SCARA3: variants seen among roughly 807,000 people sequenced by gnomAD.
SCARA3 encodes scavenger receptor class A member 3, also known as cellular stress response gene protein.
In SCARA3, 39 loss-of-function variants were observed where a neutral mutation model predicts 47.0. The observed-to-expected ratio is 0.83, with a 90% CI of 0.64 to 1.08. SCARA3 has a LOEUF of 1.08. Among genes scored for constraint, SCARA3 ranks in the 50% least tolerant of loss-of-function variants. The pLI, the probability that SCARA3 is intolerant of heterozygous loss-of-function variation, is 0.00. For missense variants in SCARA3, 724 were observed against 792.3 expected, an observed-to-expected ratio of 0.91 and a Z score of 1.04; for synonymous variants, 356 against 334.1, an observed-to-expected ratio of 1.07 and a Z score of -0.71.
intron 1 of SCARA3, among the ~76,000 whole-genome samples, chr8:27,648,024 T>A (rs1007607403): frequency 5.9e-5 from 9 of 152,244 alleles, no homozygotes; most frequent in Admixed American, 1.3e-4. Flanking sequence ...CTCATTCATG[T>A]ACCACCCTCT....
At chr8:27,650,173 T>A (rs1444928238) in intron 2 of SCARA3, among the ~76,000 whole-genome samples, 1 of 152,108 alleles carries the variant, frequency 6.6e-6, no homozygotes, top group Non-Finnish European at 1.5e-5. Flanking sequence ...TTTTTATTTT[T>A]TGTAGATACA....
the SCARA3 span, among the ~76,000 whole-genome samples, chr8:27,715,143 G>A: frequency 6.6e-6 from 1 of 152,026 alleles, no homozygotes; most frequent in Non-Finnish European, 1.5e-5. This position sits in a 1 kb window ranked among gnomAD's most constrained non-coding sequence, Gnocchi z 4.2. Flanking sequence ...TCAGGCTGAT[G>A]TCAAACTCCC....
At chr8:27,706,487 A>G in the SCARA3 span, among the ~76,000 whole-genome samples, 1 of 152,082 alleles carries the variant, frequency 6.6e-6, no homozygotes, top group Admixed American at 6.5e-5. Context: ...CTGAGTCTAC[A>G]CTTGAATGAA....
chr8:27,644,291 T>C (rs1337432643), intron 1 of SCARA3, among the ~76,000 whole-genome samples: 2 of 152,182 alleles, frequency 1.3e-5, no homozygotes, highest in African/African-American at 4.8e-5. Flanking sequence ...TGGGTAGTAA[T>C]CACTGCAAGA....
rs773416748 is a variant in SCARA3, at chr8:27,656,861, G to C, written c.306G>C (p.Gln102His). 2.2e-5 allele frequency: 36 copies of C among 1,608,706 alleles called. No homozygotes were observed. In the South Asian group the frequency reaches 3.7e-4, roughly 17 times the overall value. The change falls in exon 4 of 6, where the codon CAG becomes CAC. Residue 102 changes from glutamine to histidine, a missense_variant. Physicochemically the swap from Gln to His is conservative, Grantham distance 24. Coordinates refer to ENST00000301904, the MANE Select transcript of SCARA3 (RefSeq NM_016240.3). ...ATGACAAGAAGCTTGTGTTAATGCA[G>C]AAAAATCTCCAGGGCCTGGGTAAGT... ...SIYDKKLVLM[Q>H]KNLQGLDPKA...
At chr8:27,637,146 G>A (rs1413430360) in intron 1 of SCARA3, among the ~76,000 whole-genome samples, 2 of 152,250 alleles carry the variant, frequency 1.3e-5, no homozygotes, top group East Asian at 1.9e-4. Flanking sequence ...CAGCCCACCG[G>A]TGGCCGAGTG....
At chr8:27,726,587 C>T in the SCARA3 span, among the ~76,000 whole-genome samples, 406 of 151,906 alleles carry the variant, frequency 2.7e-3, 3 homozygotes, top group Non-Finnish European at 4.9e-3. Flanking sequence ...GTAATCCCAG[C>T]GACTTGGGAG....
At chr8:27,683,357 T>C in the SCARA3 span, among the ~76,000 whole-genome samples, 1 of 152,168 alleles carries the variant, frequency 6.6e-6, no homozygotes, top group Non-Finnish European at 1.5e-5. Flanking sequence ...TTAGGGGTGG[T>C]GGTTACACAC....
At chr8:27,644,763 A>G (rs914549485) in intron 1 of SCARA3, among the ~76,000 whole-genome samples, 3 of 152,202 alleles carry the variant, frequency 2.0e-5, no homozygotes, top group African/African-American at 7.2e-5. Flanking sequence ...GACACCCAGC[A>G]TGCTTCACAC....
At chr8:27,726,464 C>T in the SCARA3 span, among the ~76,000 whole-genome samples, 309 of 152,076 alleles carry the variant, frequency 2.0e-3, 3 homozygotes, top group Non-Finnish European at 2.1e-3. Context: ...TTTGGGAAGC[C>T]GAGGCGGGTG....
At chr8:27,639,326 A>G (rs1801330895) in intron 1 of SCARA3, among the ~76,000 whole-genome samples, 1 of 152,168 alleles carries the variant, frequency 6.6e-6, no homozygotes, top group African/African-American at 2.4e-5. Context: ...GATGCCACAA[A>G]AGAACAAATG....
intron 2 of SCARA3, 54 bp downstream of exon 2, chr8:27,649,854 C>A: frequency 6.8e-7 from 1 of 1,472,360 alleles, no homozygotes. Context: ...AGATCCCTGT[C>A]TCCATCCCCA....
the SCARA3 span, among the ~76,000 whole-genome samples, chr8:27,705,251 ACCCCACCTGGCT>A: frequency 6.6e-6 from 1 of 151,980 alleles, no homozygotes; most frequent in Non-Finnish European, 1.5e-5. Context: ...AAAGGGGGTG[ACCCCACCTGGCT>A]CCCTCCAGGG....
the SCARA3 span, among the ~76,000 whole-genome samples, chr8:27,713,046 G>A: frequency 2.6e-5 from 4 of 152,142 alleles, no homozygotes; most frequent in Non-Finnish European, 5.9e-5. Context: ...TCAAAATCAA[G>A]AAATTAGCAT....
intron 3 of SCARA3, among the ~76,000 whole-genome samples, chr8:27,654,535 G>C (rs1213669031): frequency 2.0e-5 from 3 of 152,082 alleles, no homozygotes; most frequent in African/African-American, 7.2e-5. Flanking sequence ...AAGGTGGAAG[G>C]ATCACTTGAG....
intron 1 of SCARA3, among the ~76,000 whole-genome samples, chr8:27,642,350 C>T (rs766885001): frequency 4.6e-5 from 7 of 152,172 alleles, no homozygotes; most frequent in African/African-American, 1.7e-4. Flanking sequence ...TAAGCATTTA[C>T]GATGTACCAG....
downstream of SCARA3, among the ~76,000 whole-genome samples, chr8:27,673,425 G>A (rs1802212605): frequency 6.6e-6 from 1 of 152,274 alleles, no homozygotes; most frequent in East Asian, 1.9e-4. Flanking sequence ...TGGCTTGGCA[G>A]GGTCTGCGGA....
chr8:27,658,718 A>C lies in SCARA3; in HGVS notation c.548A>C (p.Gln183Pro). The C allele has an allele frequency of 6.2e-7, 1 of 1,614,122 alleles. No individual in the cohort carries two copies. The highest frequency in any genetic ancestry group is 8.5e-7 in the Non-Finnish European group (1 of 1,180,000). ...SCSFSIHQVN[Q>P]SLGLFLAQVR... Reference sequence around the variant, plus strand: ...TCCTTCTCCATCCACCAGGTTAACCAGTCTCTGGGGCTCTTCCTGGCCCAG... The same window carrying C: ...TCCTTCTCCATCCACCAGGTTAACCCGTCTCTGGGGCTCTTCCTGGCCCAG... The change falls in exon 5 of 6, where the codon CAG (glutamine) becomes CCG (proline). Residue 183 changes from glutamine to proline, a missense_variant. Coordinates refer to ENST00000301904, the MANE Select transcript of SCARA3 (RefSeq NM_016240.3).
the SCARA3 span, among the ~76,000 whole-genome samples, chr8:27,689,272 G>A: frequency 2.8e-4 from 42 of 152,304 alleles, no homozygotes; most frequent in African/African-American, 9.9e-4. Context: ...ACGGAAGGGC[G>A]GGCTTGTGGA....
Sources: allele counts gnomAD v4.1 joint callset (sites outside exome capture counted in the v4.1 genomes callset), GRCh38; gene constraint gnomAD v4.1.1; non-coding constraint Gnocchi (gnomAD v3.1); transcripts MANE v1.5; gene names NCBI Gene and HGNC (gene_info 2026-07-23, HGNC 2026-07-21).